The following ZBTB20 variants were observed in gnomAD, a reference collection of about 807,000 sequenced individuals.
ZBTB20 encodes the protein zinc finger and BTB domain containing 20, also known as zinc finger and BTB domain-containing protein 20.
A neutral mutation model predicts 56.9 loss-of-function variants in ZBTB20; 9 were observed. The observed-to-expected ratio is 0.16, with a 90% CI of 0.10 to 0.28. The LOEUF is 0.28. Ranked by LOEUF, ZBTB20 falls within the 10% of genes least tolerant of loss-of-function variation. The pLI is 1.00. For synonymous variants in ZBTB20, 417 were observed against 420.7 expected (o/e 0.99, Z 0.11); for missense variants, 655 against 1,003.0 (o/e 0.65, Z 4.69).
chr3:115,129,820 C>G (rs938593069), intron 1 of ZBTB20, among the ~76,000 whole-genome samples: 1 of 152,058 alleles, frequency 6.6e-6, no homozygotes, highest in Non-Finnish European at 1.5e-5. Context: ...GAAAAATAAA[C>G]GAAGAAATTT....
intron 4 of ZBTB20, among the ~76,000 whole-genome samples, chr3:114,891,369 T>G (rs1163782587): frequency 6.6e-6 from 1 of 152,248 alleles, no homozygotes; most frequent in Non-Finnish European, 1.5e-5. Context: ...CTTGTTTTAT[T>G]TTTTAAAAAA....
intron 6 of ZBTB20, among the ~76,000 whole-genome samples, chr3:114,623,268 G>A (rs900364797): frequency 3.9e-5 from 6 of 152,126 alleles, no homozygotes; most frequent in African/African-American, 9.7e-5. Flanking sequence ...AAGCTGGTCC[G>A]TGGACTCCTC....
chr3:114,512,633 T>A (rs968766598), intron 6 of ZBTB20, among the ~76,000 whole-genome samples: 1 of 152,192 alleles, frequency 6.6e-6, no homozygotes, highest in African/African-American at 2.4e-5. Flanking sequence ...CTAATTTTTA[T>A]ATAAATGAGA....
chr3:114,772,724 G>A (rs551214739), intron 5 of ZBTB20, among the ~76,000 whole-genome samples: 70 of 152,092 alleles, frequency 4.6e-4, no homozygotes, highest in African/African-American at 1.6e-3. Context: ...TATGATGGAG[G>A]TAGGTGACTC....
chr3:114,349,178 C>T (rs953204821), intron 11 of ZBTB20, among the ~76,000 whole-genome samples: 13 of 135,738 alleles, frequency 9.6e-5, no homozygotes, highest in Middle Eastern at 4.1e-3. Flanking sequence ...CCAGCCTGGG[C>T]GACAGAGTGA....
At chr3:114,850,489 T>C (rs1198740961) in intron 4 of ZBTB20, among the ~76,000 whole-genome samples, 1 of 152,196 alleles carries the variant, frequency 6.6e-6, no homozygotes, top group Non-Finnish European at 1.5e-5. Flanking sequence ...TATACACCCA[T>C]TTAACCTTCA....
At chr3:115,103,120 G>A (rs1460548068) in intron 1 of ZBTB20, 2 of 152,134 alleles carry the variant, frequency 1.3e-5, no homozygotes, top group African/African-American at 4.8e-5. Flanking sequence ...AGTTGGGACT[G>A]GAGACAATAA....
intron 6 of ZBTB20, chr3:114,529,377 T>C (rs1272114250): frequency 6.6e-6 from 1 of 152,228 alleles, no homozygotes; most frequent in African/African-American, 2.4e-5. Context: ...GAGAAACTCA[T>C]GTTGAAATAC....
rs1397666669 is a variant in ZBTB20 at position 114,328,609 on chromosome 3, G to A, written c.*10396C>T. The A allele has an allele frequency of 6.6e-6, 1 of 152,098 alleles. No individual in the cohort carries two copies. The highest frequency in any genetic ancestry group is 1.5e-5 in the Non-Finnish European group (1 of 68,012). 9.4% of individuals were successfully genotyped at this position (152,098 alleles called of 1,614,324 possible). ...GTTGACATTTAAAACTGTGACTCAGGTCCTCCCACTCTCAAAAGAATATTG... is the reference window on the plus strand; with the variant it reads ...GTTGACATTTAAAACTGTGACTCAGATCCTCCCACTCTCAAAAGAATATTG... On this transcript the variant is annotated 3_prime_UTR_variant, in exon 12 of 12. Transcript: ENST00000675478.
At chr3:114,615,532 T>C (rs2057874107) in intron 6 of ZBTB20, among the ~76,000 whole-genome samples, 1 of 152,236 alleles carries the variant, frequency 6.6e-6, no homozygotes, top group Non-Finnish European at 1.5e-5. Context: ...TGGAAGATCC[T>C]GACTTTAAAC....
intron 10 of ZBTB20, among the ~76,000 whole-genome samples, chr3:114,367,863 A>G (rs943955169): frequency 6.6e-5 from 10 of 152,146 alleles, no homozygotes; most frequent in East Asian, 5.8e-4. Context: ...CCTGAATCCA[A>G]GAAGGGACAA....
At chr3:114,902,435 C>T (rs896772871) in intron 3 of ZBTB20, among the ~76,000 whole-genome samples, 5 of 152,136 alleles carry the variant, frequency 3.3e-5, no homozygotes, top group African/African-American at 4.8e-5. Context: ...AGACACAGCT[C>T]ACATGAAGAA....
chr3:114,512,576 C>A (rs551151504), intron 6 of ZBTB20, among the ~76,000 whole-genome samples: 27 of 152,208 alleles, frequency 1.8e-4, no homozygotes, highest in African/African-American at 6.5e-4. Context: ...CATCCATTAA[C>A]CTTTCATGAA....
At chr3:115,013,514 A>G (rs538284842) in intron 2 of ZBTB20, among the ~76,000 whole-genome samples, 50 of 151,846 alleles carry the variant, frequency 3.3e-4, no homozygotes, top group African/African-American at 1.2e-3. Context: ...GACCAATAAC[A>G]AGTAATGAGA....
rs57265260 is a variant in ZBTB20, at chr3:114,831,087, CTTTTTTTTTTTTTTTTTT to C, written c.-416-29931_-416-29914del. On this transcript the variant is annotated intron_variant, in intron 4 of 11. Transcript: ENST00000675478. The stretch of plus-strand genomic sequence containing the variant: ...ATATTTCTCTTATGGTTTCTTTCTT[CTTTTTTTTTTTTTTTTTT>C]TTTTTTTTTAGTATCCAGTGCCTCC... Among the ~76,000 whole-genome samples, 21 of 55,556 alleles carry C rather than the reference CTTTTTTTTTTTTTTTTTT, an allele frequency of 3.8e-4. 1 individual carries two copies. The highest frequency in any genetic ancestry group is 5.6e-4 in the Non-Finnish European group (15 of 26,824). 36.4% of individuals were successfully genotyped at this position (55,556 alleles called of 152,430 possible).
At chr3:115,080,416 T>G (rs2082756226) in intron 1 of ZBTB20, among the ~76,000 whole-genome samples, 1 of 152,108 alleles carries the variant, frequency 6.6e-6, no homozygotes, top group African/African-American at 2.4e-5. Context: ...AAGAAAATTT[T>G]GCAAAATAGG....
At chr3:114,864,537 T>C (rs1356392439) in intron 4 of ZBTB20, among the ~76,000 whole-genome samples, 1 of 151,686 alleles carries the variant, frequency 6.6e-6, no homozygotes, top group African/African-American at 2.4e-5. Context: ...AAGGAAAAAA[T>C]ACTTAAAGTA....
intron 7 of ZBTB20, among the ~76,000 whole-genome samples, chr3:114,434,670 G>A (rs1576744954): frequency 6.6e-6 from 1 of 151,402 alleles, no homozygotes; most frequent in Admixed American, 6.6e-5. Flanking sequence ...GAAAAAATAC[G>A]GTTTCTTTGA....
At chr3:114,492,866 G>A (rs1317770290) in intron 7 of ZBTB20, among the ~76,000 whole-genome samples, 1 of 152,108 alleles carries the variant, frequency 6.6e-6, no homozygotes, top group East Asian at 1.9e-4. Context: ...GCCTTACTCA[G>A]GTTTCATCAG....
Sources: allele counts gnomAD v4.1 joint callset (sites outside exome capture counted in the v4.1 genomes callset), GRCh38; gene constraint gnomAD v4.1.1; transcripts MANE v1.5; gene names NCBI Gene and HGNC (gene_info 2026-07-23, HGNC 2026-07-21).